Variants in CASTOR2 observed in about 807,000 individuals in gnomAD.
CASTOR2 encodes cytosolic arginine sensor for mTORC1 subunit 2, also known as GATS protein like 2.
A neutral mutation model predicts 31.2 loss-of-function variants in CASTOR2; 8 were observed. The observed-to-expected ratio is 0.26, with a 90% CI of 0.15 to 0.46. The LOEUF is 0.46. Among genes scored for constraint, CASTOR2 ranks in the 20% least tolerant of loss-of-function variants. The probability of loss-of-function intolerance (pLI) is 0.99; values close to 1 mark genes in which losing one functional copy is unlikely to be tolerated. For synonymous variants in CASTOR2, 162 were observed against 158.7 expected (o/e 1.02, Z -0.16); for missense variants, 216 against 382.1 (o/e 0.57, Z 3.62).
chr7:75,006,836 G>T (rs1804615998), intron 1 of CASTOR2, among the ~76,000 whole-genome samples: 1 of 152,022 alleles, frequency 6.6e-6, no homozygotes, highest in South Asian at 2.1e-4. Context: ...TCATGATTGT[G>T]AGCACCCCCG....
In CASTOR2 at chr7:75,031,481, A is replaced by G. The variant is rs1350496845; in HGVS notation, c.*6782A>G. Among the ~76,000 whole-genome samples the G allele has an allele frequency of 1.3e-5, 2 of 151,796 alleles. No individual in the cohort carries two copies. Among genetic ancestry groups the G allele is most frequent in the Non-Finnish European group, 2.9e-5 (2 of 67,982 alleles). ...TACCTAATGTTCCCCCAAAAAAGAC[A>G]GTATATTTTGTACTTTGTAAAGTGT... is the stretch of plus-strand genomic sequence containing the variant. On this transcript the variant is annotated 3_prime_UTR_variant, in exon 9 of 9. Transcript: ENST00000616305.
Position 75,024,817 on chromosome 7 carries a change from C to T in CASTOR2, c.*118C>T. ...AGCCTGGGGACCCTGAGGAAGGGGC[C>T]TCTGTGGGAGACTCCCTCGATTGCC... On this transcript the variant is annotated 3_prime_UTR_variant, in exon 9 of 9. Coordinates refer to ENST00000616305, the MANE Select transcript of CASTOR2 (RefSeq NM_001145064.3). 1.3e-6 allele frequency: 2 copies of T among 1,549,316 alleles called. No homozygotes were observed. The highest frequency in any genetic ancestry group is 2.0e-5 in the Admixed American group (1 of 50,982).
At chr7:74,993,072 C>T (rs1224723733) in intron 1 of CASTOR2, among the ~76,000 whole-genome samples, 11 of 141,814 alleles carry the variant, frequency 7.8e-5, no homozygotes, top group Non-Finnish European at 1.2e-4. Flanking sequence ...TGGTGGCACG[C>T]GCCTGTAGTC....
At chr7:74,983,357 C>A (rs1473464831) in intron 1 of CASTOR2, among the ~76,000 whole-genome samples, 4 of 150,810 alleles carry the variant, frequency 2.7e-5, no homozygotes, top group Non-Finnish European at 5.9e-5. Flanking sequence ...CTTTTCTCCA[C>A]CCTCTTCAGA....
intron 1 of CASTOR2, among the ~76,000 whole-genome samples, chr7:74,977,001 A>G (rs1414230786): frequency 6.6e-6 from 1 of 150,502 alleles, no homozygotes; most frequent in Non-Finnish European, 1.5e-5. Flanking sequence ...CCCGGCCAAC[A>G]AGGTGAAGCC....
chr7:74,994,818 G>A (rs2131934340), intron 1 of CASTOR2, among the ~76,000 whole-genome samples: 1 of 152,252 alleles, frequency 6.6e-6, no homozygotes, highest in South Asian at 2.1e-4. Flanking sequence ...CAAGTCTGCA[G>A]GGAGAGCCTG....
intron 7 of CASTOR2, 88 bp from the exon 8 acceptor site, chr7:75,024,352 A>G: frequency 7.6e-7 from 1 of 1,309,726 alleles, no homozygotes; most frequent in East Asian, 2.5e-5. Flanking sequence ...CAGGGTAGGC[A>G]TTGCCCACAG....
chr7:74,988,787 G>C (rs1179801282), intron 1 of CASTOR2, among the ~76,000 whole-genome samples: 2 of 151,360 alleles, frequency 1.3e-5, no homozygotes, highest in East Asian at 3.9e-4. Flanking sequence ...CTTGATTTTT[G>C]CAAAGGCTTT....
chr7:74,998,820 G>T (rs1804419594), intron 1 of CASTOR2, among the ~76,000 whole-genome samples: 3 of 151,854 alleles, frequency 2.0e-5, no homozygotes, highest in African/African-American at 7.3e-5. Flanking sequence ...CTCCTGGAGG[G>T]GAGCCTGGGT....
chr7:74,990,475 T>C (rs1804181867), intron 1 of CASTOR2, among the ~76,000 whole-genome samples: 1 of 152,100 alleles, frequency 6.6e-6, no homozygotes, highest in African/African-American at 2.4e-5. Context: ...CCCAGCAAAT[T>C]TGGCAGACCA....
In CASTOR2 at chr7:74,986,646, G is replaced by A. The variant is rs1445032630; in HGVS notation, c.114-21348G>A. Among the ~76,000 whole-genome samples, 17 of 152,140 alleles carry A rather than the reference G, an allele frequency of 1.1e-4. 1 individual carries two copies. The highest frequency in any genetic ancestry group is 7.3e-5 in the Non-Finnish European group (5 of 68,030). On this transcript the variant is annotated intron_variant, in intron 1 of 8. Transcript: ENST00000616305. ...TCACCTGCCCCTTACGCCCCCTTCC[G>A]AAAATGTGGGTCTGGGAGAAGGTGG...
chr7:75,008,682 C>T (rs1458599459), intron 2 of CASTOR2, among the ~76,000 whole-genome samples: 70 of 152,006 alleles, frequency 4.6e-4, no homozygotes, highest in African/African-American at 1.6e-3. Context: ...GAAGACAGAG[C>T]GAAACTCTAT....
chr7:75,023,344 A>T (rs1003535508), intron 7 of CASTOR2, among the ~76,000 whole-genome samples: 1 of 152,140 alleles, frequency 6.6e-6, no homozygotes, highest in African/African-American at 2.4e-5. Context: ...ACTTTCTCCT[A>T]TATAACCACA....
intron 2 of CASTOR2, among the ~76,000 whole-genome samples, chr7:75,011,195 G>A (rs1459381510): frequency 6.6e-6 from 1 of 152,014 alleles, no homozygotes; most frequent in African/African-American, 2.4e-5. Context: ...TTGTGAGGCT[G>A]AGGCAGGCAG....
At position 74,981,789 on chromosome 7, in the gene CASTOR2, C is replaced by T. The variant is rs1339332808; in HGVS notation, c.113+16691C>T. On this transcript the variant is annotated intron_variant, in intron 1 of 8. Coordinates refer to ENST00000616305, the MANE Select transcript of CASTOR2 (RefSeq NM_001145064.3). ...AGAGTTCAAATGTGAAATCAAGGCCCGGTGCGGTGGCTCACGCCTATAATC... is the reference window on the plus strand; with the variant it reads ...AGAGTTCAAATGTGAAATCAAGGCCTGGTGCGGTGGCTCACGCCTATAATC... Among the ~76,000 whole-genome samples the T allele has an allele frequency of 6.0e-3, 888 of 147,302 alleles. 17 individuals are homozygous for T. The highest frequency in any genetic ancestry group is 0.021 in the African/African-American group (830 of 39,652).
chr7:75,005,679 A>G (rs1160824350), intron 1 of CASTOR2, among the ~76,000 whole-genome samples: 37 of 152,336 alleles, frequency 2.4e-4, no homozygotes, highest in Non-Finnish European at 3.8e-4. Context: ...TGGGTGGTCA[A>G]TGTGTGCTGA....
intron 1 of CASTOR2, among the ~76,000 whole-genome samples, chr7:74,991,035 T>A (rs1328674450): frequency 1.4e-5 from 2 of 143,352 alleles, no homozygotes; most frequent in Non-Finnish European, 1.5e-5. Context: ...ATTGGTGCCA[T>A]TGCACTCCAG....
intron 2 of CASTOR2, among the ~76,000 whole-genome samples, chr7:75,012,141 G>A (rs1326903984): frequency 5.0e-4 from 76 of 152,246 alleles, no homozygotes; most frequent in Non-Finnish European, 7.4e-4. Context: ...AAAGTAATGT[G>A]AGAAGATGGT....
At chr7:74,975,952 C>T (rs587690375) in intron 1 of CASTOR2, among the ~76,000 whole-genome samples, 38 of 150,102 alleles carry the variant, frequency 2.5e-4, no homozygotes, top group African/African-American at 8.8e-4. Context: ...AGGCATCCCA[C>T]CCCCAACCGG....
Sources: allele counts gnomAD v4.1 joint callset (sites outside exome capture counted in the v4.1 genomes callset), GRCh38; gene constraint gnomAD v4.1.1; transcripts MANE v1.5; gene names NCBI Gene and HGNC (gene_info 2026-07-23, HGNC 2026-07-21).